Variants in ZFP82 observed in about 807,000 individuals in gnomAD.
ZFP82 encodes the protein zinc finger protein 82 homolog.
In ZFP82, 30 loss-of-function variants were observed where a neutral mutation model predicts 54.0. The ratio of observed to expected loss-of-function variants is 0.56; its 90% CI spans 0.42 to 0.75. ZFP82 has a LOEUF of 0.75. ZFP82 is among the 30% of genes least tolerant of loss of function. ZFP82 has a pLI of 0.00. For missense variants in ZFP82, 500 were observed against 636.8 expected, an observed-to-expected ratio of 0.79 and a Z score of 2.31; for synonymous variants, 194 against 209.5, an observed-to-expected ratio of 0.93 and a Z score of 0.64.
downstream of ZFP82, among the ~76,000 whole-genome samples, chr19:36,388,140 T>G (rs2032135825): frequency 6.6e-6 from 1 of 152,196 alleles, no homozygotes; most frequent in Non-Finnish European, 1.5e-5. Flanking sequence ...CATATTTAAA[T>G]GAGAACAGGC....
downstream of ZFP82, chr19:36,384,065 T>A (rs1022391290): frequency 1.3e-5 from 2 of 152,182 alleles, no homozygotes; most frequent in African/African-American, 4.8e-5. Context: ...TCTCTACTTC[T>A]ATGACAGTAT....
rs562088493 is a variant in ZFP82 at position 36,400,121 on chromosome 19, C to T, written c.229+5459G>A. Among the ~76,000 whole-genome samples the T allele has an allele frequency of 1.1e-4, 17 of 152,284 alleles. No individual in the cohort carries two copies. The South Asian group carries it at 2.7e-3, about 24-fold the overall frequency. On this transcript the variant is annotated intron_variant, in intron 4 of 4. Transcript: ENST00000392161. ...ATTACCAGTCCTAAATCTGTTGGAT[C>T]AAAGGATTTCTAGTCCATTAAACAC...
intron 1 of ZFP82, among the ~76,000 whole-genome samples, chr19:36,413,472 G>A (rs1407158743): frequency 6.6e-6 from 1 of 152,018 alleles, no homozygotes; most frequent in Non-Finnish European, 1.5e-5. Context: ...GCAACAAGTT[G>A]AATAAATGAT....
intron 1 of ZFP82, among the ~76,000 whole-genome samples, chr19:36,412,788 C>T (rs895485782): frequency 9.2e-5 from 14 of 152,180 alleles, no homozygotes; most frequent in Middle Eastern, 3.2e-3. Context: ...ATTATTTGGT[C>T]GTGACCTGAC....
In ZFP82 at chr19:36,410,049, A is replaced by G. The variant is rs145346088; in HGVS notation, c.-78-182T>C. Among the ~76,000 whole-genome samples, 64 of 152,244 alleles carry G rather than the reference A, an allele frequency of 4.2e-4. No individual in the cohort carries two copies. In the East Asian group the frequency reaches 6.7e-3, roughly 16 times the overall value. ...AATTTGAGGGAGTCTGGACGAGTCT[A>G]ATCCCTTGCTAATTCCAGGGCTGAT... On this transcript the variant is annotated intron_variant, in intron 1 of 4. Transcript: ENST00000392161.
intron 4 of ZFP82, among the ~76,000 whole-genome samples, chr19:36,398,720 C>G (rs1025392678): frequency 6.6e-6 from 1 of 152,148 alleles, no homozygotes; most frequent in Non-Finnish European, 1.5e-5. Flanking sequence ...GCGTCACCCT[C>G]TGTCACCACA....
chr19:36,389,025 T>C lies in ZFP82; in HGVS notation c.*3716A>G, dbSNP rs2032149808. Among the ~76,000 whole-genome samples the C allele has an allele frequency of 6.7e-6, 1 of 148,620 alleles. No individual in the cohort carries two copies. The highest frequency in any genetic ancestry group is 1.5e-5 in the Non-Finnish European group (1 of 67,622). On this transcript the variant is annotated 3_prime_UTR_variant, in exon 5 of 5. Coordinates refer to ENST00000392161, the MANE Select transcript of ZFP82 (RefSeq NM_133466.4). ...ATTCATCACTAAATAGTCTACAATT[T>C]CAGACTTGATTTTCTTTCTTTTTTT...
Position 36,393,331 on chromosome 19 carries a change from G to A in ZFP82, c.1009C>T (p.Pro337Ser), listed in dbSNP as rs2032237109. ...TTCCCGCATTCCTTACATTCATAGG[G>A]TTTCTCACCAGTATGAAGTTTGTGA... ...VHHKLHTGEK[P>S]YECKECGKAF... is the part of the protein sequence containing the mutation. The change falls in exon 5 of 5, where the codon CCC becomes TCC. Residue 337 changes from proline (P) to serine (S), a missense_variant. Coordinates refer to ENST00000392161, the MANE Select transcript of ZFP82 (RefSeq NM_133466.4). The A allele has an allele frequency of 1.2e-6, 2 of 1,613,902 alleles. No homozygotes were observed. The highest frequency in any genetic ancestry group is 2.2e-5 in the South Asian group (2 of 91,066).
At chr19:36,403,320 C>G (rs1347302249) in intron 4 of ZFP82, among the ~76,000 whole-genome samples, 1 of 64,868 alleles carries the variant, frequency 1.5e-5, no homozygotes, top group African/African-American at 7.9e-5. Context: ...AAGACTCCAT[C>G]TCAAAAAAAA....
At chr19:36,401,608 T>C (rs189031417) in intron 4 of ZFP82, among the ~76,000 whole-genome samples, 19 of 152,352 alleles carry the variant, frequency 1.2e-4, no homozygotes, top group African/African-American at 4.6e-4. Context: ...CCTGTCTAAC[T>C]CAACAACTGA....
chr19:36,405,698 G>C, intron 3 of ZFP82, 26 bp from the exon 4 acceptor site: 2 of 1,505,062 alleles, frequency 1.3e-6, no homozygotes, highest in Non-Finnish European at 1.8e-6. Context: ...GGAATATAAG[G>C]TACATGAAAA....
chr19:36,397,341 C>T (rs1026167857), intron 4 of ZFP82, among the ~76,000 whole-genome samples: 90 of 152,038 alleles, frequency 5.9e-4, no homozygotes, highest in Non-Finnish European at 1.2e-3. Flanking sequence ...GACCCACCCG[C>T]CTCGGCCTCC....
At chr19:36,385,482 G>A (rs544227993), downstream of ZFP82, among the ~76,000 whole-genome samples, 59 of 152,332 alleles carry the variant, frequency 3.9e-4, no homozygotes, top group Admixed American at 8.5e-4. Flanking sequence ...AGTGGCTTTG[G>A]AACTAGGTAA....
At chr19:36,384,478 G>T (rs750896449), downstream of ZFP82, 2 of 152,186 alleles carry the variant, frequency 1.3e-5, no homozygotes, top group Non-Finnish European at 2.9e-5. Context: ...TTGGGAATGG[G>T]AGTTCTATGG....
downstream of ZFP82, among the ~76,000 whole-genome samples, chr19:36,384,971 TAA>T (rs951149003): frequency 1.3e-5 from 2 of 152,178 alleles, no homozygotes; most frequent in African/African-American, 4.8e-5. Flanking sequence ...TGGTTAAAAA[TAA>T]AGAGTTGTGG....
At chr19:36,402,243 C>T (rs964850946) in intron 4 of ZFP82, among the ~76,000 whole-genome samples, 8 of 151,916 alleles carry the variant, frequency 5.3e-5, no homozygotes, top group Non-Finnish European at 8.8e-5. Flanking sequence ...CCAAGGTGGG[C>T]GGATCACAAG....
chr19:36,405,328 A>C (rs2032462243), intron 4 of ZFP82, among the ~76,000 whole-genome samples: 1 of 152,170 alleles, frequency 6.6e-6, no homozygotes, highest in African/African-American at 2.4e-5. Context: ...AACAATAATA[A>C]AAAAGAAGAG....
chr19:36,393,872 A>C lies in ZFP82; in HGVS notation c.468T>G (p.Ser156=), dbSNP rs1448217257. 3 of 1,614,192 alleles carry C rather than the reference A, an allele frequency of 1.9e-6. No homozygotes were observed. In the South Asian group the frequency reaches 3.3e-5, roughly 18 times the overall value. ...AATGAAGTCTCTGATGTGGAGTAAC[A>C]GATGTGCGTTTCTGGTAAGAGGACA... The part of the protein sequence containing the change: ...EKVSSYQKRT[S]VTPHQRLHFV... The change falls in exon 5 of 5, where the codon TCT becomes TCG. Residue 156 remains serine, a synonymous_variant. Coordinates refer to ENST00000392161, the MANE Select transcript of ZFP82 (RefSeq NM_133466.4).
At position 36,394,174 on chromosome 19, in the gene ZFP82, A is replaced by ATAAATAGACAACAAATATT. The variant is rs756433868; in HGVS notation, c.230-65_230-64insAATATTTGTTGTCTATTTA. ...TTTACTAAAAGAAGCAACATTTCTA[A>ATAAATAGACAACAAATATT]TGTAGAAATAAAAGACAACAAAAGT... is the stretch of plus-strand genomic sequence containing the variant. On this transcript the variant is annotated intron_variant, in intron 4 of 4. Coordinates refer to ENST00000392161, the MANE Select transcript of ZFP82 (RefSeq NM_133466.4). 50 of 1,362,790 alleles carry ATAAATAGACAACAAATATT rather than the reference A, an allele frequency of 3.7e-5. No homozygotes were observed. The Admixed American group carries it at 4.7e-4, about 13-fold the overall frequency. 84.4% of individuals were successfully genotyped at this position (1,362,790 alleles called of 1,614,324 possible).
Sources: allele counts gnomAD v4.1 joint callset (sites outside exome capture counted in the v4.1 genomes callset), GRCh38; gene constraint gnomAD v4.1.1; transcripts MANE v1.5; gene names NCBI Gene and HGNC (gene_info 2026-07-23, HGNC 2026-07-21).